Variants in SPTBN1 observed in about 807,000 individuals in gnomAD.
SPTBN1 encodes the protein spectrin beta chain, non-erythrocytic 1.
A neutral mutation model predicts 266.4 loss-of-function variants in SPTBN1; 32 were observed. The ratio of observed to expected loss-of-function variants is 0.12; its 90% confidence interval spans 0.09 to 0.16. The LOEUF (loss-of-function observed/expected upper bound fraction) is 0.16, where lower values mean the gene tolerates loss of function less well. Ranked by LOEUF, SPTBN1 falls within the 10% of genes least tolerant of loss-of-function variation. The probability of loss-of-function intolerance (pLI) is 1.00; values close to 1 mark genes in which losing one functional copy is unlikely to be tolerated. For missense variants in SPTBN1, 2,296 were observed against 3,067.1 expected, an observed-to-expected ratio of 0.75 and a Z score of 5.94; for synonymous variants, 1,336 against 1,162.2, an observed-to-expected ratio of 1.15 and a Z score of -3.04.
chr2:54,575,316 C>A (rs1050040435), intron 2 of SPTBN1, among the ~76,000 whole-genome samples: 1 of 152,150 alleles, frequency 6.6e-6, no homozygotes, highest in Admixed American at 6.5e-5. Context: ...TTTTTATTTT[C>A]TTTTCTGCAA....
rs1360630206 is a variant in SPTBN1, at chr2:54,657,960, G to A, written c.6157G>A (p.Glu2053Lys). The A allele has an allele frequency of 6.2e-7, 1 of 1,614,258 alleles. No homozygotes were observed. Among genetic ancestry groups the A allele is most frequent in the Non-Finnish European group, 8.5e-7 (1 of 1,180,042 alleles). The change falls in exon 30 of 36, where the codon GAG becomes AAG. Residue 2053 changes from glutamate (E) to lysine (K), a missense_variant. This residue lies in a region of SPTBN1 where 644 missense variants were observed against 745.3 expected (regional missense o/e 0.86). Coordinates refer to ENST00000356805, the MANE Select transcript of SPTBN1 (RefSeq NM_003128.3). ...REIGQSVDEVEKLIKRHEAFE... is the reference protein window; with the variant it reads ...REIGQSVDEVKKLIKRHEAFE... Reference sequence around the variant, plus strand: ...GATAGGCCAGAGCGTGGACGAGGTGGAGAAGCTCATCAAGCGCCACGAGGC... The same window carrying A: ...GATAGGCCAGAGCGTGGACGAGGTGAAGAAGCTCATCAAGCGCCACGAGGC...
chr2:54,655,631 C>T (rs1361450190), intron 28 of SPTBN1, among the ~76,000 whole-genome samples: 1 of 152,216 alleles, frequency 6.6e-6, no homozygotes, highest in Non-Finnish European at 1.5e-5. Flanking sequence ...AGGGCTTTGT[C>T]CGTCTTGCTG....
chr2:54,512,000 G>A (rs1367670965), intron 1 of SPTBN1, among the ~76,000 whole-genome samples: 1 of 152,180 alleles, frequency 6.6e-6, no homozygotes, highest in East Asian at 1.9e-4. Context: ...ATCGTCTGGC[G>A]TTAGATTCTC....
intron 1 of SPTBN1, among the ~76,000 whole-genome samples, chr2:54,477,290 T>A (rs879282018): frequency 6.6e-6 from 1 of 152,324 alleles, no homozygotes; most frequent in East Asian, 1.9e-4. Context: ...TAATAAACTT[T>A]AGGTAAGAAG....
rs576296767 is a variant in SPTBN1, at chr2:54,481,557, A to T, written c.-48+25039A>T. Among the ~76,000 whole-genome samples, 9 of 152,268 alleles carry T rather than the reference A, an allele frequency of 5.9e-5. No individual in the cohort carries two copies. The East Asian group carries it at 1.5e-3, about 26-fold the overall frequency. On this transcript the variant is annotated intron_variant, in intron 1 of 35. Coordinates refer to ENST00000356805, the MANE Select transcript of SPTBN1 (RefSeq NM_003128.3). Reference sequence around the variant, plus strand: ...AATGATACACTTGGTGAAATTAGTAATGGCAAGTAAAGGTTGAGATTTGTG... The same window carrying T: ...AATGATACACTTGGTGAAATTAGTATTGGCAAGTAAAGGTTGAGATTTGTG...
At position 54,649,885 on chromosome 2, in the gene SPTBN1, C is replaced by A. The variant is rs766329728; in HGVS notation, c.5473C>A (p.His1825Asn). The change falls in exon 26 of 36, where the codon CAC (histidine) becomes AAC (asparagine). Residue 1825 changes from histidine (H) to asparagine (N), a missense_variant. His to Asn is a moderately conservative substitution (Grantham distance 68). Around this residue, in one of 12 missense-constraint regions of SPTBN1, gnomAD observed 644 missense variants for 745.3 expected, o/e 0.86. Transcript: ENST00000356805. The surrounding 1 kb of genome is among the most constrained non-coding windows in gnomAD (Gnocchi z 6.7). ...GATCTTTGGGCGTATACAGGACAAACACAAGAAACTCCCTGAGGAGCTTGG... is the reference window on the plus strand; with the variant it reads ...GATCTTTGGGCGTATACAGGACAAAAACAAGAAACTCCCTGAGGAGCTTGG... ...KEIFGRIQDK[H>N]KKLPEELGRD... 2 of 1,614,210 alleles carry A rather than the reference C, an allele frequency of 1.2e-6. No homozygotes were observed. The highest frequency in any genetic ancestry group is 1.7e-6 in the Non-Finnish European group (2 of 1,180,038).
chr2:54,491,414 A>G (rs888441680), intron 1 of SPTBN1, among the ~76,000 whole-genome samples: 1 of 152,222 alleles, frequency 6.6e-6, no homozygotes, highest in Non-Finnish European at 1.5e-5. Flanking sequence ...GACATTCTTG[A>G]TGAAGGACTG....
intron 5 of SPTBN1, among the ~76,000 whole-genome samples, chr2:54,616,599 T>C (rs1001025735): frequency 5.3e-5 from 8 of 152,264 alleles, no homozygotes; most frequent in Non-Finnish European, 8.8e-5. Context: ...ATATCCATGA[T>C]ATTTTAAGAA....
intron 1 of SPTBN1, among the ~76,000 whole-genome samples, chr2:54,494,578 A>G (rs1443213706): frequency 6.6e-6 from 1 of 152,256 alleles, no homozygotes; most frequent in Non-Finnish European, 1.5e-5. Context: ...CTATTGGTAT[A>G]TGTAGCAACA....
rs146138448 is a variant in SPTBN1, at chr2:54,460,816, C to T, written c.-48+4298C>T. Among the ~76,000 whole-genome samples the T allele has an allele frequency of 7.0e-3, 1,067 of 152,286 alleles. 14 individuals are homozygous for T. Among genetic ancestry groups the T allele is most frequent in the African/African-American group, 0.024 (1,014 of 41,556 alleles). ...AGGAGTTCAAGACCAGCCTGGCCAA[C>T]ATGGTGAAACCCCATCTCTACTAAA... On this transcript the variant is annotated intron_variant, in intron 1 of 35. Transcript: ENST00000356805.
At chr2:54,528,145 T>C (rs947850755) in intron 2 of SPTBN1, 1 of 152,678 alleles carries the variant, frequency 6.5e-6, no homozygotes, top group African/African-American at 2.4e-5. Context: ...ATCATGACCC[T>C]GGCTTGTGCT....
intron 1 of SPTBN1, among the ~76,000 whole-genome samples, chr2:54,465,668 A>ATATATATATATATATC (rs1553427354): frequency 2.2e-5 from 3 of 137,898 alleles, no homozygotes; most frequent in South Asian, 4.7e-4. Context: ...ATATATATAT[A>ATATATATATATATATC]TCTCACACAT....
chr2:54,546,254 G>A (rs1303032358), intron 2 of SPTBN1, among the ~76,000 whole-genome samples: 3 of 152,182 alleles, frequency 2.0e-5, no homozygotes, highest in Non-Finnish European at 4.4e-5. Context: ...ATTCGTAACA[G>A]CAAACTATGT....
intron 15 of SPTBN1, 68 bp downstream of exon 15, chr2:54,630,097 G>A (rs781274818): frequency 4.5e-6 from 7 of 1,553,408 alleles, no homozygotes; most frequent in Admixed American, 3.9e-5. Context: ...GTCACTCATC[G>A]AGCTTTGCTG....
At chr2:54,610,320 A>T (rs1677130947) in intron 3 of SPTBN1, among the ~76,000 whole-genome samples, 1 of 152,198 alleles carries the variant, frequency 6.6e-6, no homozygotes, top group African/African-American at 2.4e-5. Flanking sequence ...ATGCCTTTAA[A>T]TTGTCATATG....
chr2:54,555,842 T>A (rs774226806), intron 2 of SPTBN1, among the ~76,000 whole-genome samples: 1 of 152,346 alleles, frequency 6.6e-6, no homozygotes, highest in African/African-American at 2.4e-5. Context: ...TGTCTACCTG[T>A]GTTTCAAGGT....
intron 3 of SPTBN1, among the ~76,000 whole-genome samples, chr2:54,603,047 A>C (rs1676600921): frequency 6.6e-6 from 1 of 152,214 alleles, no homozygotes; most frequent in African/African-American, 2.4e-5. Context: ...AAACTTGAGA[A>C]GTGAACTAAG....
intron 2 of SPTBN1, among the ~76,000 whole-genome samples, chr2:54,553,887 G>A (rs1180308725): frequency 6.6e-6 from 1 of 152,166 alleles, no homozygotes; most frequent in Non-Finnish European, 1.5e-5. Context: ...CCTCAAGACT[G>A]TGTAAAGCCT....
rs887107320 is a variant in SPTBN1 at position 54,631,343 on chromosome 2, A to G, written c.3296A>G (p.Lys1099Arg). ...DMPNTLTEAE[K>R]LLTQHENIKN... The stretch of plus-strand genomic sequence containing the variant: ...CCAAACACCCTGACCGAGGCTGAGA[A>G]GCTGCTCACGCAGCACGAGAACATC... Residue 1099 changes from lysine to arginine, a missense_variant, in exon 16 of 36, where the codon AAG (lysine) becomes AGG (arginine). By Grantham distance (26) the Lys-to-Arg change is conservative. Around this residue, in one of 12 missense-constraint regions of SPTBN1, gnomAD observed 386 missense variants for 486.1 expected, o/e 0.79. Transcript: ENST00000356805. The G allele has an allele frequency of 1.2e-6, 2 of 1,614,270 alleles. No individual in the cohort carries two copies. The highest frequency in any genetic ancestry group is 1.7e-6 in the Non-Finnish European group (2 of 1,180,044).
Sources: gnomAD v4.1 joint callset for allele counts (sites outside exome capture counted in the v4.1 genomes callset) on GRCh38, gnomAD v4.1.1 for gene constraint, gnomAD v4.1.1 regional missense constraint, Gnocchi (gnomAD v3.1) non-coding constraint, MANE v1.5 for transcripts, NCBI Gene and HGNC (gene_info 2026-07-23, HGNC 2026-07-21) for gene names.